ANKRD30A: variants seen among roughly 807,000 people sequenced by gnomAD.
ANKRD30A encodes ankyrin repeat domain 30A.
A neutral mutation model predicts 166.3 loss-of-function variants in ANKRD30A; 170 were observed. The observed-to-expected ratio is 1.02, with a 90% CI of 0.90 to 1.16. The LOEUF is 1.16. Ranked by LOEUF, ANKRD30A falls within the 50% of genes most tolerant of loss-of-function variation. ANKRD30A has a pLI of 0.00. For missense variants in ANKRD30A, 1,630 were observed against 1,518.0 expected, an observed-to-expected ratio of 1.07 and a Z score of -1.23; for synonymous variants, 564 against 508.9, an observed-to-expected ratio of 1.11 and a Z score of -1.46.
At chr10:37,152,321 A>G (rs1014886700) in intron 12 of ANKRD30A, among the ~76,000 whole-genome samples, 200 bp downstream of exon 12, 1 of 152,118 alleles carries the variant, frequency 6.6e-6, no homozygotes, top group Non-Finnish European at 1.5e-5. Flanking sequence ...AATTTGTACG[A>G]TTAATTTAAG....
chr10:37,129,815 T>C (rs1836266868), intron 1 of ANKRD30A, 78 bp from the exon 2 acceptor site: 5 of 747,188 alleles, frequency 6.7e-6, no homozygotes, highest in Non-Finnish European at 1.9e-6. Context: ...TGGTATTTAA[T>C]GTTTACAGTT....
chr10:37,227,992 A>G (rs150590105), intron 34 of ANKRD30A, among the ~76,000 whole-genome samples: 1 of 152,082 alleles, frequency 6.6e-6, no homozygotes, highest in East Asian at 1.9e-4. Context: ...AACACCTGGG[A>G]TGATCTTTTC....
Position 37,219,172 on chromosome 10 carries a change from G to A in ANKRD30A, c.3460G>A (p.Glu1154Lys), listed in dbSNP as rs1842750070. 15 of 1,610,384 alleles carry A rather than the reference G, an allele frequency of 9.3e-6. No homozygotes were observed. The highest frequency in any genetic ancestry group is 1.3e-5 in the African/African-American group (1 of 74,658). ...ACTTCAGATGACCCTAAAACTGAAA[G>A]AGGAATCATTAACTAAAAGGGCATC... ...AELQMTLKLK[E>K]ESLTKRASQY... Residue 1154 changes from glutamate (E) to lysine (K), a missense_variant, in exon 34 of 36, where the codon GAG becomes AAG. Physicochemically the swap from Glu to Lys is moderately conservative, Grantham distance 56 (BLOSUM62 1). Transcript: ENST00000361713.
chr10:37,220,548 G>A (rs1294228981), intron 34 of ANKRD30A, among the ~76,000 whole-genome samples: 1 of 151,086 alleles, frequency 6.6e-6, no homozygotes, highest in Non-Finnish European at 1.5e-5. Flanking sequence ...AAAGGCATCT[G>A]TGTTTTATTA....
intron 6 of ANKRD30A, among the ~76,000 whole-genome samples, chr10:37,140,787 T>A (rs1354785406): frequency 6.6e-6 from 1 of 152,180 alleles, no homozygotes; most frequent in East Asian, 1.9e-4. Flanking sequence ...ACATAATGCA[T>A]TGTACAATAT....
chr10:37,240,720 A>G, the ANKRD30A span, among the ~76,000 whole-genome samples: 2,569 of 152,178 alleles, frequency 0.017, 54 homozygotes, highest in East Asian at 0.094. Flanking sequence ...ATCAACCTGC[A>G]TATCTCATCC....
rs774402571 is a variant in ANKRD30A, at chr10:37,219,325, G to C, written c.3613G>C (p.Ala1205Pro). 12 of 1,610,404 alleles carry C rather than the reference G, an allele frequency of 7.5e-6. No homozygotes were observed. Among genetic ancestry groups the C allele is most frequent in the Non-Finnish European group, 9.3e-6 (11 of 1,177,644 alleles). The change falls in exon 34 of 36, where the codon GCT becomes CCT. Residue 1205 changes from alanine (A) to proline (P), a missense_variant. By Grantham distance (27) the Ala-to-Pro change is conservative (BLOSUM62 -1). Around this residue, in one of 4 missense-constraint regions of ANKRD30A, gnomAD observed 712 missense variants for 629.3 expected, o/e 1.13. Coordinates refer to ENST00000361713, the MANE Select transcript of ANKRD30A (RefSeq NM_052997.3). ...ATCACACCATCCTAGACTGGCTTCT[G>C]CTGTACAAGACCATGATCAAATTGT... ...IESHHPRLAS[A>P]VQDHDQIVTS...
At chr10:37,136,827 G>GTA (rs1836721906) in intron 6 of ANKRD30A, among the ~76,000 whole-genome samples, 156 bp downstream of exon 6, 1 of 108,286 alleles carries the variant, frequency 9.2e-6, no homozygotes, top group Non-Finnish European at 2.1e-5. Context: ...GTGTGTGTGT[G>GTA]TGTGTATATA....
At chr10:37,236,380 A>G (rs1843676121), downstream of ANKRD30A, among the ~76,000 whole-genome samples, 1 of 152,164 alleles carries the variant, frequency 6.6e-6, no homozygotes, top group African/African-American at 2.4e-5. Flanking sequence ...TCTTACACAC[A>G]GTTGCAGTTG....
Position 37,132,339 on chromosome 10 carries a change from T to G in ANKRD30A, c.610T>G (p.Tyr204Asp). ...TGCAAATGCGAATGCAGTTAATAAG[T>G]ATAAATGGTATAGTAGTTCTTTTTT... is the stretch of plus-strand genomic sequence containing the variant. The part of the protein sequence containing the change: ...KNANANAVNK[Y>D]KCTALMLAVC... Residue 204 changes from tyrosine to aspartate, a missense_variant, in exon 4 of 36, where the codon TAT becomes GAT. By Grantham distance (160) the Tyr-to-Asp change is radical (BLOSUM62 -3). Coordinates refer to ENST00000361713, the MANE Select transcript of ANKRD30A (RefSeq NM_052997.3). 2 of 1,572,306 alleles carry G rather than the reference T, an allele frequency of 1.3e-6. No homozygotes were observed. Among genetic ancestry groups the G allele is most frequent in the Non-Finnish European group, 1.7e-6 (2 of 1,154,006 alleles).
intron 6 of ANKRD30A, among the ~76,000 whole-genome samples, chr10:37,139,063 G>A (rs1451807404): frequency 6.6e-6 from 1 of 152,178 alleles, no homozygotes; most frequent in East Asian, 1.9e-4. Context: ...GAGAGTGGGG[G>A]CCAATATTCA....
chr10:37,250,171 T>A, the ANKRD30A span, among the ~76,000 whole-genome samples: 3 of 152,194 alleles, frequency 2.0e-5, no homozygotes, highest in Non-Finnish European at 4.4e-5. Flanking sequence ...TGTGTACATA[T>A]TGCTTATTTA....
chr10:37,145,134 C>T (rs1837407726), intron 8 of ANKRD30A, 78 bp downstream of exon 8: 3 of 1,146,318 alleles, frequency 2.6e-6, no homozygotes, highest in Non-Finnish European at 3.7e-6. Context: ...GAGGCTTTGA[C>T]TTGGTTTTCT....
At chr10:37,238,240 A>T in the ANKRD30A span, among the ~76,000 whole-genome samples, 27,261 of 152,138 alleles carry the variant, frequency 0.18, 3,114 homozygotes, top group Admixed American at 0.26. Flanking sequence ...AAAGTGTTCA[A>T]AGGTCAGTCA....
chr10:37,214,993 C>A (rs576174365), intron 31 of ANKRD30A, among the ~76,000 whole-genome samples: 1 of 151,576 alleles, frequency 6.6e-6, no homozygotes, highest in South Asian at 2.1e-4. Flanking sequence ...GATGGCAAAT[C>A]AATCTATGCT....
chr10:37,191,610 C>T (rs1840583825), intron 25 of ANKRD30A, among the ~76,000 whole-genome samples: 1 of 151,828 alleles, frequency 6.6e-6, no homozygotes, highest in South Asian at 2.1e-4. Flanking sequence ...ACACTTTTTG[C>T]AAAAATCATA....
intron 31 of ANKRD30A, among the ~76,000 whole-genome samples, chr10:37,210,112 C>T (rs944867996): frequency 6.6e-6 from 1 of 152,014 alleles, no homozygotes; most frequent in African/African-American, 2.4e-5. Context: ...ACCCCTCCCC[C>T]AGCCCCTCAT....
At chr10:37,252,753 A>G in the ANKRD30A span, among the ~76,000 whole-genome samples, 1 of 152,062 alleles carries the variant, frequency 6.6e-6, no homozygotes, top group Middle Eastern at 3.4e-3. Flanking sequence ...CATCTGGAAT[A>G]TGCACTTAAT....
At position 37,158,379 on chromosome 10, in the gene ANKRD30A, C is replaced by A; in HGVS notation, c.1799-13C>A. The A allele has an allele frequency of 2.5e-6, 4 of 1,606,252 alleles. No individual in the cohort carries two copies. The highest frequency in any genetic ancestry group is 3.4e-6 in the Non-Finnish European group (4 of 1,174,316). ...TTGCATATAATCAATTATGTATGTC[C>A]CTTTTCTTATAGAGTCTCCTAATAA... On this transcript the variant is annotated splice_polypyrimidine_tract_variant and intron_variant, in intron 13 of 35. Coordinates refer to ENST00000361713, the MANE Select transcript of ANKRD30A (RefSeq NM_052997.3).
Sources: gnomAD v4.1 joint callset for allele counts (sites outside exome capture counted in the v4.1 genomes callset) on GRCh38, gnomAD v4.1.1 for gene constraint, gnomAD v4.1.1 regional missense constraint, MANE v1.5 for transcripts, NCBI Gene and HGNC (gene_info 2026-07-23, HGNC 2026-07-21) for gene names.